The following STX17 variants were observed in gnomAD, a reference collection of about 807,000 sequenced individuals.
The protein encoded by STX17 is syntaxin 17, also known as syntaxin-17.
Under a neutral mutation model 35.9 loss-of-function variants are expected in STX17, and 29 were observed. The observed-to-expected ratio is 0.81, with a 90% CI of 0.60 to 1.10. The LOEUF is 1.10. Ranked by LOEUF, STX17 falls within the 50% of genes least tolerant of loss-of-function variation. STX17 has a pLI of 0.00. For synonymous variants in STX17, 92 were observed against 118.3 expected, an observed-to-expected ratio of 0.78 and a Z score of 1.44; for missense variants, 312 against 352.3, an observed-to-expected ratio of 0.89 and a Z score of 0.92.
chr9:99,941,806 T>C (rs1829368950), intron 3 of STX17, among the ~76,000 whole-genome samples: 1 of 152,218 alleles, frequency 6.6e-6, no homozygotes, highest in African/African-American at 2.4e-5. Flanking sequence ...TTTACCTGTG[T>C]TTTTGCCTAT....
rs1214981409 is a variant in STX17 at position 99,972,594 on chromosome 9, C to T, written c.*3921C>T. 6.6e-6 allele frequency among the ~76,000 whole-genome samples: 1 copy of T among 152,154 alleles called. No homozygotes were observed. Among genetic ancestry groups the T allele is most frequent in the Non-Finnish European group, 1.5e-5 (1 of 68,022 alleles). ...CTTCCTTCTGTGGGCTGCCTGCCTT[C>T]CTGCCCTCCCTTAAGTGCTCTAAGA... On this transcript the variant is annotated 3_prime_UTR_variant, in exon 8 of 8. Coordinates refer to ENST00000259400, the MANE Select transcript of STX17 (RefSeq NM_017919.3).
intron 1 of STX17, among the ~76,000 whole-genome samples, chr9:99,909,469 A>T (rs1207091806): frequency 6.6e-6 from 1 of 152,234 alleles, no homozygotes; most frequent in Non-Finnish European, 1.5e-5. Context: ...ATGATGGTAG[A>T]TATAAAGATA....
At chr9:99,960,775 C>T (rs982281264) in intron 6 of STX17, among the ~76,000 whole-genome samples, 8 of 152,120 alleles carry the variant, frequency 5.3e-5, no homozygotes, top group African/African-American at 1.9e-4. Flanking sequence ...TGGAGATAGG[C>T]CTGGACCCCA....
intron 4 of STX17, among the ~76,000 whole-genome samples, chr9:99,951,991 T>G (rs1041738561): frequency 1.3e-5 from 2 of 152,034 alleles, no homozygotes; most frequent in African/African-American, 4.8e-5. Context: ...GAGCCAAAAT[T>G]TTTAGCCACC....
intron 3 of STX17, among the ~76,000 whole-genome samples, chr9:99,932,202 G>A (rs1415128905): frequency 1.3e-5 from 2 of 152,120 alleles, no homozygotes; most frequent in Non-Finnish European, 2.9e-5. Context: ...ATACATCTGT[G>A]GTCCTCTTGA....
chr9:99,959,994 G>A lies in STX17; in HGVS notation c.493G>A (p.Asp165Asn). The A allele has an allele frequency of 6.2e-7, 1 of 1,613,972 alleles. No individual in the cohort carries two copies. The highest frequency in any genetic ancestry group is 8.5e-7 in the Non-Finnish European group (1 of 1,179,984). The change falls in exon 5 of 8, where the codon GAT becomes AAT. Residue 165 changes from aspartate (D) to asparagine (N), a missense_variant. Transcript: ENST00000259400. ...QIYALPEIPQDQNAAESWETL... is the reference protein window; with the variant it reads ...QIYALPEIPQNQNAAESWETL... ...ATATGCCTTACCTGAAATTCCTCAA[G>A]ATCAAAATGCTGCAGAATCGTGGGA... is the stretch of plus-strand genomic sequence containing the variant.
chr9:99,928,535 A>G (rs1344074527), intron 2 of STX17, among the ~76,000 whole-genome samples: 1 of 152,140 alleles, frequency 6.6e-6, no homozygotes, highest in South Asian at 2.1e-4. Context: ...TTTTTCAGTA[A>G]AATAAAATAA....
intron 2 of STX17, among the ~76,000 whole-genome samples, chr9:99,927,532 G>A (rs558611569): frequency 2.0e-5 from 3 of 151,712 alleles, no homozygotes; most frequent in Non-Finnish European, 4.4e-5. Flanking sequence ...GGAGTGCAGT[G>A]TGGCACGATC....
chr9:99,925,139 G>T (rs980847800), intron 2 of STX17, among the ~76,000 whole-genome samples: 1 of 151,544 alleles, frequency 6.6e-6, no homozygotes, highest in African/African-American at 2.4e-5. Flanking sequence ...ATAGCTCTTG[G>T]TTTTTTATTT....
Position 99,970,665 on chromosome 9 carries a change from G to A in STX17, c.*1992G>A, listed in dbSNP as rs1830002180. On this transcript the variant is annotated 3_prime_UTR_variant, in exon 8 of 8. Transcript: ENST00000259400. ...GCTGAAATTATAAATCTAAGAAACA[G>A]TTACATCAAGATTCTGCTGTGTCAT... 6.6e-6 allele frequency among the ~76,000 whole-genome samples: 1 copy of A among 152,098 alleles called. No individual in the cohort carries two copies. The highest frequency in any genetic ancestry group is 1.5e-5 in the Non-Finnish European group (1 of 68,032).
intron 4 of STX17, 127 bp downstream of exon 4, chr9:99,951,412 C>A: frequency 1.3e-6 from 1 of 797,634 alleles, no homozygotes; most frequent in East Asian, 2.7e-5. Flanking sequence ...TATGCTGAAT[C>A]CTTGGACCCT....
At chr9:99,914,247 G>C (rs1287734518) in intron 1 of STX17, 1 of 152,190 alleles carries the variant, frequency 6.6e-6, no homozygotes, top group Non-Finnish European at 1.5e-5. Flanking sequence ...CATGGGTGAG[G>C]TTGTGGCTAA....
chr9:99,934,666 G>A (rs1829190708), intron 3 of STX17, among the ~76,000 whole-genome samples: 1 of 152,116 alleles, frequency 6.6e-6, no homozygotes, highest in Admixed American at 6.5e-5. Context: ...GTGGACTTCT[G>A]CTCTGTGTTT....
chr9:99,958,229 C>T (rs2118511687), intron 4 of STX17, among the ~76,000 whole-genome samples: 1 of 152,308 alleles, frequency 6.6e-6, no homozygotes. Flanking sequence ...TCCACCCCTG[C>T]ACCAGTTCAC....
intron 3 of STX17, among the ~76,000 whole-genome samples, chr9:99,948,143 C>T (rs1829520630): frequency 6.6e-6 from 1 of 151,880 alleles, no homozygotes. Flanking sequence ...CCCTAGTTGC[C>T]CTATCCAATG....
chr9:99,958,147 A>T (rs1400537020), intron 4 of STX17, among the ~76,000 whole-genome samples: 1 of 152,160 alleles, frequency 6.6e-6, no homozygotes, highest in Non-Finnish European at 1.5e-5. Flanking sequence ...AGTCAGCTAT[A>T]CTGAACATTT....
intron 3 of STX17, among the ~76,000 whole-genome samples, chr9:99,949,804 C>G (rs963554203): frequency 1.5e-4 from 23 of 151,780 alleles, no homozygotes; most frequent in African/African-American, 5.3e-4. Flanking sequence ...TCTTTGTTTT[C>G]AAAGTATAGA....
chr9:99,933,348 T>C (rs182194495), intron 3 of STX17, among the ~76,000 whole-genome samples: 1 of 152,306 alleles, frequency 6.6e-6, no homozygotes, highest in East Asian at 1.9e-4. Flanking sequence ...AAGCTTGATA[T>C]CTGATTGTAC....
intron 3 of STX17, among the ~76,000 whole-genome samples, chr9:99,950,255 G>A (rs1829566638): frequency 6.6e-6 from 1 of 151,910 alleles, no homozygotes; most frequent in Admixed American, 6.6e-5. Flanking sequence ...CTGGCAGCAT[G>A]TGAAGAAATA....
Sources: gnomAD v4.1 joint callset for allele counts (sites outside exome capture counted in the v4.1 genomes callset) on GRCh38, gnomAD v4.1.1 for gene constraint, MANE v1.5 for transcripts, NCBI Gene and HGNC (gene_info 2026-07-23, HGNC 2026-07-21) for gene names.